Variants in HS3ST4 observed in about 807,000 individuals in gnomAD.
HS3ST4 encodes heparan sulfate-glucosamine 3-sulfotransferase 4.
In HS3ST4, 17 loss-of-function variants were observed where a neutral mutation model predicts 29.2. The observed-to-expected ratio is 0.58, with a 90% CI of 0.40 to 0.87. The LOEUF is 0.87. Among genes scored for constraint, HS3ST4 ranks in the 40% least tolerant of loss-of-function variants. HS3ST4 has a pLI of 0.00. For missense variants in HS3ST4, 627 were observed against 634.5 expected, an observed-to-expected ratio of 0.99 and a Z score of 0.13; for synonymous variants, 314 against 285.7, an observed-to-expected ratio of 1.10 and a Z score of -1.00.
chr16:25,914,072 G>T (rs547008152), intron 1 of HS3ST4, among the ~76,000 whole-genome samples: 3 of 148,850 alleles, frequency 2.0e-5, no homozygotes, highest in Non-Finnish European at 4.5e-5. Flanking sequence ...CACGGAGTGT[G>T]TGTGTGGGGG....
Position 25,900,058 on chromosome 16 carries a change from T to C in HS3ST4, c.734+206907T>C, listed in dbSNP as rs142761097. On this transcript the variant is annotated intron_variant, in intron 1 of 1. Coordinates refer to ENST00000331351, the MANE Select transcript of HS3ST4 (RefSeq NM_006040.3). The stretch of plus-strand genomic sequence containing the variant: ...CCATTGTTAGCTAGAAGTTCTGTCA[T>C]GCATAGTTGAAAACATTCTTAACAG... Among the ~76,000 whole-genome samples the C allele has an allele frequency of 8.9e-3, 1,361 of 152,350 alleles. 21 individuals are homozygous for C. Among genetic ancestry groups the C allele is most frequent in the African/African-American group, 0.031 (1,300 of 41,578 alleles).
At chr16:26,054,260 C>T (rs1239158098) in intron 1 of HS3ST4, among the ~76,000 whole-genome samples, 1 of 102,626 alleles carries the variant, frequency 9.7e-6, no homozygotes, top group African/African-American at 4.3e-5. Flanking sequence ...GAGAGAGAGA[C>T]AGAGAGAGGG....
chr16:25,756,115 C>G (rs1024894167), intron 1 of HS3ST4, among the ~76,000 whole-genome samples: 18 of 138,254 alleles, frequency 1.3e-4, no homozygotes, highest in African/African-American at 4.7e-4. Flanking sequence ...TATAGAAACA[C>G]ACACACACAC....
At chr16:26,054,127 ACC>A (rs1898377739) in intron 1 of HS3ST4, among the ~76,000 whole-genome samples, 5 of 152,144 alleles carry the variant, frequency 3.3e-5, no homozygotes, top group Admixed American at 3.3e-4. Context: ...AGACAATCCT[ACC>A]AGGTGCCCTG....
intron 1 of HS3ST4, among the ~76,000 whole-genome samples, chr16:25,760,146 C>T (rs527983692): frequency 1.3e-4 from 20 of 152,286 alleles, no homozygotes; most frequent in Admixed American, 1.1e-3. Flanking sequence ...AACCCTAACC[C>T]TAACCCTAAC....
Position 25,810,847 on chromosome 16 carries a change from CT to C in HS3ST4, c.734+117697del, listed in dbSNP as rs573541408. Among the ~76,000 whole-genome samples the C allele has an allele frequency of 2.0e-3, 297 of 152,196 alleles. 1 individual carries two copies. Among genetic ancestry groups the C allele is most frequent in the African/African-American group, 6.9e-3 (285 of 41,522 alleles). ...GTTTTCAATTAAATGTCCTTATTTC[CT>C]CATTTATGTTTTGTAGCTTTGATTT... On this transcript the variant is annotated intron_variant, in intron 1 of 1. Transcript: ENST00000331351.
chr16:25,707,800 C>T (rs377673004), intron 1 of HS3ST4, among the ~76,000 whole-genome samples: 4 of 152,326 alleles, frequency 2.6e-5, no homozygotes, highest in African/African-American at 9.6e-5. Context: ...CTTGCTGCTT[C>T]CACCACTTAC....
chr16:25,824,058 G>A (rs1051783972), intron 1 of HS3ST4, among the ~76,000 whole-genome samples: 3 of 152,280 alleles, frequency 2.0e-5, no homozygotes, highest in Admixed American at 6.5e-5. Flanking sequence ...TGAGTCATTC[G>A]TCTTGGCAGC....
At chr16:25,780,295 T>C (rs140600723) in intron 1 of HS3ST4, among the ~76,000 whole-genome samples, 1 of 152,284 alleles carries the variant, frequency 6.6e-6, no homozygotes, top group Non-Finnish European at 1.5e-5. Context: ...CCATTTGACA[T>C]TTGCAGTAGA....
chr16:25,786,013 C>T (rs1361067501), intron 1 of HS3ST4, among the ~76,000 whole-genome samples: 1 of 152,142 alleles, frequency 6.6e-6, no homozygotes, highest in Non-Finnish European at 1.5e-5. Context: ...GACGTAGAAT[C>T]AACAGGTCTG....
At chr16:25,967,000 A>C (rs1324740481) in intron 1 of HS3ST4, among the ~76,000 whole-genome samples, 2 of 152,074 alleles carry the variant, frequency 1.3e-5, no homozygotes, top group Non-Finnish European at 2.9e-5. Context: ...TTAGAAACAC[A>C]ATTTCTTGGG....
chr16:25,864,163 T>G (rs1231931005), intron 1 of HS3ST4, among the ~76,000 whole-genome samples: 2 of 152,242 alleles, frequency 1.3e-5, no homozygotes, highest in Admixed American at 6.5e-5. Context: ...CTCTCTTTTC[T>G]CCCAGCTTTA....
intron 1 of HS3ST4, among the ~76,000 whole-genome samples, chr16:26,104,120 G>C (rs1028350756): frequency 6.6e-6 from 1 of 152,190 alleles, no homozygotes; most frequent in Non-Finnish European, 1.5e-5. Flanking sequence ...CTGGTTAAGA[G>C]AAGTGGGTTT....
At chr16:25,913,931 C>CTG (rs1380492161) in intron 1 of HS3ST4, among the ~76,000 whole-genome samples, 25 of 126,246 alleles carry the variant, frequency 2.0e-4, no homozygotes, top group African/African-American at 6.9e-4. Flanking sequence ...TAGGGAGAGG[C>CTG]TATGTGTGTG....
At chr16:26,024,938 G>A (rs1969452100) in intron 1 of HS3ST4, among the ~76,000 whole-genome samples, 1 of 152,152 alleles carries the variant, frequency 6.6e-6, no homozygotes, top group African/African-American at 2.4e-5. Context: ...GGCCAGCAAA[G>A]CACTTGTTTG....
chr16:26,075,698 G>A (rs1898654144), intron 1 of HS3ST4, among the ~76,000 whole-genome samples: 1 of 152,084 alleles, frequency 6.6e-6, no homozygotes, highest in Non-Finnish European at 1.5e-5. Context: ...AAATATGCTT[G>A]GAATCCGTTT....
At chr16:25,968,117 T>A (rs942549397) in intron 1 of HS3ST4, among the ~76,000 whole-genome samples, 10 of 151,984 alleles carry the variant, frequency 6.6e-5, no homozygotes, top group African/African-American at 2.4e-4. Flanking sequence ...CTGGGGCAGA[T>A]TTTAACTCAG....
intron 1 of HS3ST4, among the ~76,000 whole-genome samples, chr16:25,834,177 A>G (rs1315957555): frequency 2.0e-5 from 3 of 152,246 alleles, no homozygotes; most frequent in African/African-American, 4.8e-5. Context: ...TCTCTTAAAT[A>G]TAGCTTACAG....
intron 1 of HS3ST4, among the ~76,000 whole-genome samples, chr16:26,003,233 ACC>A (rs1969228195): frequency 6.6e-6 from 1 of 152,206 alleles, no homozygotes; most frequent in Non-Finnish European, 1.5e-5. Flanking sequence ...TCCTGGTTTC[ACC>A]ACTTACTTAG....
Sources: gnomAD v4.1 joint callset for allele counts (sites outside exome capture counted in the v4.1 genomes callset) on GRCh38, gnomAD v4.1.1 for gene constraint, MANE v1.5 for transcripts, NCBI Gene and HGNC (gene_info 2026-07-23, HGNC 2026-07-21) for gene names.